Variants in ZNF578 observed in about 807,000 individuals in gnomAD.
ZNF578 encodes zinc finger protein 578.
In ZNF578, 8 loss-of-function variants were observed where a neutral mutation model predicts 8.3. That is an observed-to-expected ratio of 0.96 (90% confidence interval 0.56 to 1.74). ZNF578 has a LOEUF of 1.74. Ranked by LOEUF, ZNF578 falls within the 40% of genes most tolerant of loss-of-function variation. ZNF578 has a pLI of 0.00. For missense variants in ZNF578, 726 were observed against 707.5 expected, an observed-to-expected ratio of 1.03 and a Z score of -0.30; for synonymous variants, 206 against 232.2, an observed-to-expected ratio of 0.89 and a Z score of 1.03.
Position 52,510,689 on chromosome 19 carries a change from T to C in ZNF578, c.308T>C (p.Phe103Ser), listed in dbSNP as rs1204058688. The C allele has an allele frequency of 2.5e-6, 4 of 1,613,486 alleles. No individual in the cohort carries two copies. Among genetic ancestry groups the C allele is most frequent in the Admixed American group, 3.3e-5 (2 of 59,870 alleles). The change falls in exon 6 of 6, where the codon TTC (phenylalanine) becomes TCC (serine). Residue 103 changes from phenylalanine (F) to serine (S), a missense_variant. Transcript: ENST00000421239. Reference sequence around the variant, plus strand: ...AGTTATCACACTGGAGATTTTTGCTTCCAGGAAATTGAAAAAGATATTCAT... The same window carrying C: ...AGTTATCACACTGGAGATTTTTGCTCCCAGGAAATTGAAAAAGATATTCAT... ...HESYHTGDFC[F>S]QEIEKDIHDF...
chr19:52,463,375 C>T (rs1048475426), intron 2 of ZNF578, among the ~76,000 whole-genome samples: 5 of 152,124 alleles, frequency 3.3e-5, no homozygotes. Context: ...TGGGTGATGT[C>T]CATTTGCCAG....
At chr19:52,488,040 C>T (rs1230088941) in intron 2 of ZNF578, among the ~76,000 whole-genome samples, 1 of 151,852 alleles carries the variant, frequency 6.6e-6, no homozygotes, top group African/African-American at 2.4e-5. Context: ...CCACAAACTC[C>T]GCTTGTCGGC....
intron 2 of ZNF578, chr19:52,473,910 CT>C: frequency 3.1e-6 from 1 of 318,436 alleles, no homozygotes; most frequent in Non-Finnish European, 6.2e-6. Flanking sequence ...TAAGGTTTCT[CT>C]TCCATATGAA....
chr19:52,486,606 G>C (rs1568460876), intron 2 of ZNF578, among the ~76,000 whole-genome samples: 1 of 152,096 alleles, frequency 6.6e-6, no homozygotes, highest in Admixed American at 6.6e-5. Context: ...AGAGAGGGAA[G>C]GATTTGGAGC....
intron 2 of ZNF578, among the ~76,000 whole-genome samples, chr19:52,466,412 G>A (rs941232228): frequency 1.3e-5 from 2 of 152,168 alleles, no homozygotes; most frequent in African/African-American, 2.4e-5. Context: ...TTCCTCCTCA[G>A]AGGCCTCTTG....
chr19:52,469,213 T>G (rs1252487600), intron 2 of ZNF578, among the ~76,000 whole-genome samples: 1 of 132,872 alleles, frequency 7.5e-6, no homozygotes, highest in East Asian at 2.4e-4. Context: ...CAGGCTGGAG[T>G]GCAGTGGTGC....
chr19:52,495,169 G>C (rs1285393024), intron 3 of ZNF578, among the ~76,000 whole-genome samples: 1 of 123,096 alleles, frequency 8.1e-6, no homozygotes, highest in Non-Finnish European at 1.8e-5. Context: ...ATTATTAGTA[G>C]TAGTAGTTTT....
At chr19:52,492,575 G>A (rs983629473) in intron 3 of ZNF578, among the ~76,000 whole-genome samples, 1 of 152,266 alleles carries the variant, frequency 6.6e-6, no homozygotes, top group South Asian at 2.1e-4. Context: ...TTGCATGCCC[G>A]TTCCAGACAA....
In ZNF578 at chr19:52,508,907, T is replaced by TG. The variant is rs1192241884; in HGVS notation, c.191-1665_191-1664insG. ...ACTATTAGTCAATTTTTTTTTTTTT[T>TG]TTTTTTTTTTTTGAGATGGAGTCCT... On this transcript the variant is annotated intron_variant, in intron 5 of 5. Coordinates refer to ENST00000421239, the MANE Select transcript of ZNF578 (RefSeq NM_001099694.2). 2.1e-5 allele frequency among the ~76,000 whole-genome samples: 3 copies of TG among 140,700 alleles called. 1 individual carries two copies. In the East Asian group the frequency reaches 6.2e-4, roughly 29 times the overall value. 92.3% of individuals were successfully genotyped at this position (140,700 alleles called of 152,430 possible).
At chr19:52,505,906 T>TG (rs889293865) in intron 5 of ZNF578, among the ~76,000 whole-genome samples, 2 of 150,282 alleles carry the variant, frequency 1.3e-5, no homozygotes, top group African/African-American at 4.9e-5. Flanking sequence ...TCTATGTTGT[T>TG]TTTTTTTTTG....
rs2059461296 is a variant in ZNF578, at chr19:52,513,844, G to A, written c.*1690G>A. On this transcript the variant is annotated 3_prime_UTR_variant, in exon 6 of 6. Transcript: ENST00000421239. Reference sequence around the variant, plus strand: ...GTTCAAGAGCACCCTGGCTAACATGGTGAAACCCCATCTCTACTAAAAATA... The same window carrying A: ...GTTCAAGAGCACCCTGGCTAACATGATGAAACCCCATCTCTACTAAAAATA... 6.6e-6 allele frequency among the ~76,000 whole-genome samples: 1 copy of A among 152,068 alleles called. No individual in the cohort carries two copies. The highest frequency in any genetic ancestry group is 1.5e-5 in the Non-Finnish European group (1 of 68,020).
chr19:52,479,090 T>G (rs1449337578), intron 2 of ZNF578, among the ~76,000 whole-genome samples: 1 of 152,064 alleles, frequency 6.6e-6, no homozygotes, highest in Non-Finnish European at 1.5e-5. Context: ...GTGGAAACCA[T>G]GGGTTATGCA....
Position 52,512,373 on chromosome 19 carries a change from T to C in ZNF578, c.*219T>C. 6.6e-7 allele frequency: 1 copy of C among 1,504,014 alleles called. No homozygotes were observed. Among genetic ancestry groups the C allele is most frequent in the East Asian group, 2.3e-5 (1 of 44,234 alleles). The allele number at this position is 1,504,014 out of a possible 1,614,324, so 93.2% of individuals were successfully genotyped here. On this transcript the variant is annotated 3_prime_UTR_variant, in exon 6 of 6. Transcript: ENST00000421239. ...GTAATGATTGTCACAAAGTCTTCAG[T>C]AACGCTACAACGATTGCAAATCATT...
intron 1 of ZNF578, chr19:52,454,860 T>G (rs1298652650): frequency 6.6e-6 from 1 of 152,196 alleles, no homozygotes; most frequent in Non-Finnish European, 1.5e-5. Context: ...AACTGGTCAG[T>G]GTAGGGAAAC....
In ZNF578 at chr19:52,511,306, C is replaced by G; in HGVS notation, c.925C>G (p.His309Asp). 6.2e-7 allele frequency: 1 copy of G among 1,614,054 alleles called. No homozygotes were observed. The highest frequency in any genetic ancestry group is 1.1e-5 in the South Asian group (1 of 91,038). The change falls in exon 6 of 6, where the codon CAC (histidine) becomes GAC (aspartate). Residue 309 changes from histidine (H) to aspartate (D), a missense_variant. Physicochemically the swap from His to Asp is moderately conservative, Grantham distance 81. Coordinates refer to ENST00000421239, the MANE Select transcript of ZNF578 (RefSeq NM_001099694.2). ...KSSLTCHRRC[H>D]TGEKPYKCNE... ...ATCCCTGACATGCCATCGTAGATGT[C>G]ACACTGGTGAGAAACCTTACAAGTG...
At chr19:52,509,340 G>C (rs1173063054) in intron 5 of ZNF578, among the ~76,000 whole-genome samples, 1 of 152,088 alleles carries the variant, frequency 6.6e-6, no homozygotes, top group Non-Finnish European at 1.5e-5. Context: ...TTTCTTAAGA[G>C]GGAATTGTTT....
intron 2 of ZNF578, among the ~76,000 whole-genome samples, chr19:52,465,894 T>G (rs896572775): frequency 6.6e-6 from 1 of 152,208 alleles, no homozygotes; most frequent in Non-Finnish European, 1.5e-5. Flanking sequence ...CTTTACCAGA[T>G]TCTCTCGGGC....
At chr19:52,507,125 C>T (rs2059428165) in intron 5 of ZNF578, among the ~76,000 whole-genome samples, 1 of 152,176 alleles carries the variant, frequency 6.6e-6, no homozygotes, top group African/African-American at 2.4e-5. Context: ...TGATGGCTCA[C>T]GCCTATAATC....
chr19:52,472,909 C>T (rs1191769840), intron 2 of ZNF578, among the ~76,000 whole-genome samples: 2 of 152,168 alleles, frequency 1.3e-5, no homozygotes, highest in Non-Finnish European at 2.9e-5. Flanking sequence ...CTTTGGTACA[C>T]ATCATGTCAT....
Sources: gnomAD v4.1 joint callset for allele counts (sites outside exome capture counted in the v4.1 genomes callset) on GRCh38, gnomAD v4.1.1 for gene constraint, MANE v1.5 for transcripts, NCBI Gene and HGNC (gene_info 2026-07-23, HGNC 2026-07-21) for gene names.